The following MYO5B variants were observed in gnomAD, a reference collection of about 807,000 sequenced individuals.
MYO5B encodes myosin VB.
Under a neutral mutation model 229.3 loss-of-function variants are expected in MYO5B, and 143 were observed. That is an observed-to-expected ratio of 0.62 (90% CI 0.54 to 0.72). The LOEUF (loss-of-function observed/expected upper bound fraction) is 0.72, where lower values mean the gene tolerates loss of function less well. Ranked by LOEUF, MYO5B falls within the 30% of genes least tolerant of loss-of-function variation. MYO5B has a pLI of 0.00. For missense variants in MYO5B, 2,321 were observed against 2,331.0 expected (o/e 1.00, Z 0.09); for synonymous variants, 918 against 885.2 (o/e 1.04, Z -0.66).
intron 4 of MYO5B, among the ~76,000 whole-genome samples, chr18:50,016,410 T>C (rs1481709531): frequency 2.0e-5 from 3 of 152,212 alleles, no homozygotes; most frequent in African/African-American, 7.2e-5. Context: ...ATTTCCATAT[T>C]GGTTAGCATG....
intron 1 of MYO5B, among the ~76,000 whole-genome samples, chr18:50,085,114 G>GCA (rs1568100549): frequency 6.6e-6 from 1 of 152,080 alleles, no homozygotes; most frequent in Non-Finnish European, 1.5e-5. Context: ...AACTACCATT[G>GCA]GAGTGAACAG....
chr18:50,043,382 ATTAAATATAT>A (rs1217060189), intron 2 of MYO5B, among the ~76,000 whole-genome samples: 6 of 101,226 alleles, frequency 5.9e-5, no homozygotes, highest in African/African-American at 1.9e-4. Flanking sequence ...TATATAATAT[ATTAAATATAT>A]TTAAATATAT....
chr18:50,153,192 A>G (rs2032626680), intron 1 of MYO5B, among the ~76,000 whole-genome samples: 1 of 152,216 alleles, frequency 6.6e-6, no homozygotes, highest in Non-Finnish European at 1.5e-5. Context: ...TTCGTACTAT[A>G]TACACTAATT....
intron 1 of MYO5B, among the ~76,000 whole-genome samples, chr18:50,070,178 C>A (rs2030921558): frequency 6.6e-6 from 1 of 152,074 alleles, no homozygotes; most frequent in South Asian, 2.1e-4. Context: ...CCCACCACTA[C>A]ATCTGCCTAA....
chr18:49,956,947 C>CT (rs2025499054), intron 12 of MYO5B, among the ~76,000 whole-genome samples: 1 of 151,972 alleles, frequency 6.6e-6, no homozygotes, highest in Admixed American at 6.6e-5. Flanking sequence ...TGCTAAAGGG[C>CT]TTTTTTATGG....
chr18:49,991,105 G>A (rs1336747675), intron 6 of MYO5B, among the ~76,000 whole-genome samples: 1 of 152,180 alleles, frequency 6.6e-6, no homozygotes, highest in African/African-American at 2.4e-5. Flanking sequence ...GGGGTGTCCA[G>A]GAAAGAGCCA....
intron 1 of MYO5B, among the ~76,000 whole-genome samples, chr18:50,059,335 C>G (rs893723629): frequency 6.6e-6 from 1 of 152,086 alleles, no homozygotes; most frequent in Non-Finnish European, 1.5e-5. Context: ...TTAGTTGGGT[C>G]GATAACTCAC....
intron 4 of MYO5B, among the ~76,000 whole-genome samples, chr18:50,016,882 T>C (rs2026221424): frequency 6.6e-6 from 1 of 151,444 alleles, no homozygotes; most frequent in African/African-American, 2.4e-5. Context: ...CTGTCCTTCT[T>C]CCTATGCTAC....
At chr18:49,903,933 G>T (rs1232431423) in intron 20 of MYO5B, among the ~76,000 whole-genome samples, 1 of 152,202 alleles carries the variant, frequency 6.6e-6, no homozygotes, top group Non-Finnish European at 1.5e-5. Flanking sequence ...CTCCTGATCC[G>T]TTAAGTGGAG....
At chr18:50,053,729 T>C (rs951263667) in intron 2 of MYO5B, among the ~76,000 whole-genome samples, 38 of 152,310 alleles carry the variant, frequency 2.5e-4, no homozygotes, top group African/African-American at 9.1e-4. Context: ...TATGCTTAAG[T>C]TGATACAAAA....
At chr18:49,932,242 C>T (rs1035159925) in intron 16 of MYO5B, among the ~76,000 whole-genome samples, 2 of 152,200 alleles carry the variant, frequency 1.3e-5, no homozygotes, top group Non-Finnish European at 2.9e-5. Context: ...TGTTGAAGGG[C>T]CAGGCAATGG....
At chr18:49,896,890 C>T (rs560171479) in intron 21 of MYO5B, among the ~76,000 whole-genome samples, 34 of 152,290 alleles carry the variant, frequency 2.2e-4, no homozygotes, top group African/African-American at 7.5e-4. Context: ...AATCAACCAA[C>T]CTTTCTGTGC....
At position 49,824,558 on chromosome 18, in the gene MYO5B, C is replaced by CT. The variant is rs2023818603; in HGVS notation, c.*1912dup. ...GTGGAACCACTGCATGTCAAAACTC[C>CT]TTAACACTCTAACAAGGCATTTTTG... On this transcript the variant is annotated 3_prime_UTR_variant, in exon 40 of 40. Coordinates refer to ENST00000285039, the MANE Select transcript of MYO5B (RefSeq NM_001080467.3). The CT allele has an allele frequency of 6.6e-6, 1 of 152,288 alleles. No individual in the cohort carries two copies. Among genetic ancestry groups the CT allele is most frequent in the Non-Finnish European group, 1.5e-5 (1 of 68,036 alleles). The allele number at this position is 152,288 out of a possible 1,614,324, so 9.4% of individuals were successfully genotyped here. A position where few individuals can be genotyped will look rare whatever the true frequency, so the allele number is the denominator to read the frequency against.
intron 17 of MYO5B, among the ~76,000 whole-genome samples, chr18:49,913,589 T>C (rs912695619): frequency 2.6e-5 from 4 of 152,136 alleles, no homozygotes; most frequent in African/African-American, 9.7e-5. Context: ...AAGTAATTTA[T>C]GTGACTGTCC....
At chr18:50,083,924 A>G (rs16951484) in intron 1 of MYO5B, among the ~76,000 whole-genome samples, 16,162 of 152,216 alleles carry the variant, frequency 0.11, 1,680 homozygotes, top group African/African-American at 0.27. Flanking sequence ...TCATTCACCC[A>G]AACTGCCACA....
chr18:50,116,819 T>C (rs1400327227), intron 1 of MYO5B, among the ~76,000 whole-genome samples: 1 of 138,278 alleles, frequency 7.2e-6, no homozygotes, highest in African/African-American at 2.7e-5. Flanking sequence ...TGATACCCAC[T>C]AAAGTCTGAG....
At chr18:50,108,124 T>C (rs1465848410) in intron 1 of MYO5B, among the ~76,000 whole-genome samples, 2 of 152,180 alleles carry the variant, frequency 1.3e-5, no homozygotes, top group Non-Finnish European at 2.9e-5. Context: ...GCCAGGCTGG[T>C]CTTGAACAAC....
chr18:49,889,069 G>A (rs754270463), intron 22 of MYO5B, among the ~76,000 whole-genome samples: 1 of 152,232 alleles, frequency 6.6e-6, no homozygotes, highest in Non-Finnish European at 1.5e-5. Flanking sequence ...CAAATGAATA[G>A]AAGGGCCCTG....
chr18:50,153,378 G>C (rs1053543687), intron 1 of MYO5B, among the ~76,000 whole-genome samples: 1 of 152,178 alleles, frequency 6.6e-6, no homozygotes, highest in Admixed American at 6.5e-5. Flanking sequence ...GACTTGGAAT[G>C]TAAGACGCTC....
Sources: allele counts gnomAD v4.1 joint callset (sites outside exome capture counted in the v4.1 genomes callset), GRCh38; gene constraint gnomAD v4.1.1; transcripts MANE v1.5; gene names NCBI Gene and HGNC (gene_info 2026-07-23, HGNC 2026-07-21).